NR1H3: variants seen among roughly 807,000 people sequenced by gnomAD.
NR1H3 encodes the protein oxysterols receptor LXR-alpha.
In NR1H3, 19 loss-of-function variants were observed where a neutral mutation model predicts 48.1. The ratio of observed to expected loss-of-function variants is 0.40; its 90% CI spans 0.28 to 0.58. The LOEUF is 0.58. NR1H3 is among the 20% of genes least tolerant of loss of function. The pLI is 0.50. For missense variants in NR1H3, 486 were observed against 595.9 expected, an observed-to-expected ratio of 0.82 and a Z score of 1.92; for synonymous variants, 232 against 227.3, an observed-to-expected ratio of 1.02 and a Z score of -0.19.
intron 7 of NR1H3, among the ~76,000 whole-genome samples, chr11:47,265,371 GA>G (rs1956355221): frequency 6.6e-6 from 1 of 152,210 alleles, no homozygotes; most frequent in Non-Finnish European, 1.5e-5. Flanking sequence ...ACATCAGGGT[GA>G]AAGTACAGGA....
chr11:47,263,794 G>A (rs1049051413), intron 7 of NR1H3, among the ~76,000 whole-genome samples: 1 of 151,640 alleles, frequency 6.6e-6, no homozygotes, highest in Non-Finnish European at 1.5e-5. Context: ...GTAGAGATGG[G>A]GTTTCACTGT....
chr11:47,260,375 G>C (rs371886672), intron 3 of NR1H3, 34 bp from the exon 4 acceptor site: 6 of 1,577,864 alleles, frequency 3.8e-6, no homozygotes, highest in Non-Finnish European at 5.2e-6. Context: ...GTTTTTCCTC[G>C]GGGGAGAGCG....
At position 47,261,167 on chromosome 11, in the gene NR1H3, C is replaced by T. The variant is rs183510529; in HGVS notation, c.500-74C>T. 2.6e-4 allele frequency: 256 copies of T among 1,002,284 alleles called. No homozygotes were observed. In the African/African-American group the frequency reaches 3.8e-3, roughly 15 times the overall value. The allele number at this position is 1,002,284 out of a possible 1,614,324, so 62.1% of individuals were successfully genotyped here. A position where few individuals can be genotyped will look rare whatever the true frequency, so the allele number is the denominator to read the frequency against. On this transcript the variant is annotated intron_variant, in intron 4 of 9. Transcript: ENST00000441012. ...CACCCCCTTTGCCCCATCCTTCCCTCCTGTCTTTCCCCCACCCCCTTGCCC... is the reference window on the plus strand; with the variant it reads ...CACCCCCTTTGCCCCATCCTTCCCTTCTGTCTTTCCCCCACCCCCTTGCCC...
At chr11:47,249,050 A>G in intron 1 of NR1H3, 2 of 1,433,636 alleles carry the variant, frequency 1.4e-6, no homozygotes. Flanking sequence ...ATCTTGATTA[A>G]GAAGGCCACA....
upstream of NR1H3, among the ~76,000 whole-genome samples, chr11:47,253,144 T>TGTGTGTGTG (rs1554980530): frequency 6.6e-6 from 1 of 151,502 alleles, no homozygotes; most frequent in Non-Finnish European, 1.5e-5. Context: ...CGTGTGTGTG[T>TGTGTGTGTG]TTTCTGTAAA....
upstream of NR1H3, chr11:47,248,343 A>T: frequency 1.6e-6 from 2 of 1,226,098 alleles, no homozygotes; most frequent in East Asian, 2.6e-5. Flanking sequence ...CCATAGGCAA[A>T]GCCAAGGTAC....
At chr11:47,265,602 G>A (rs1393108016) in intron 7 of NR1H3, among the ~76,000 whole-genome samples, 1 of 152,144 alleles carries the variant, frequency 6.6e-6, no homozygotes, top group Non-Finnish European at 1.5e-5. Flanking sequence ...GACCAGGCGC[G>A]GTGGCTCATG....
intron 9 of NR1H3, 93 bp downstream of exon 9, chr11:47,268,448 T>A (rs1957437771): frequency 6.3e-7 from 1 of 1,586,360 alleles, no homozygotes; most frequent in Non-Finnish European, 8.7e-7. Context: ...TCTCTCTGAC[T>A]GCATGCTGTG....
chr11:47,263,131 A>G (rs186675060), intron 7 of NR1H3, among the ~76,000 whole-genome samples: 2 of 152,038 alleles, frequency 1.3e-5, no homozygotes, highest in Admixed American at 6.6e-5. Flanking sequence ...GCACTGCTAC[A>G]TAGTATTTTG....
At position 47,259,996 on chromosome 11, in the gene NR1H3, T is replaced by G; in HGVS notation, c.232+17T>G. On this transcript the variant is annotated intron_variant, in intron 3 of 9. Coordinates refer to ENST00000441012, the MANE Select transcript of NR1H3 (RefSeq NM_005693.4). ...AACCCACAGGTGAGGAGCTTCTGGG[T>G]TTGGAGGAGGTAGGGGTCCAGATTC... 6.7e-7 allele frequency: 1 copy of G among 1,494,712 alleles called. No homozygotes were observed. The highest frequency in any genetic ancestry group is 8.9e-7 in the Non-Finnish European group (1 of 1,124,022). The allele number at this position is 1,494,712 out of a possible 1,614,324, so 92.6% of individuals were successfully genotyped here. A position where few individuals can be genotyped will look rare whatever the true frequency, so the allele number is the denominator to read the frequency against.
chr11:47,264,705 C>T (rs906876142), intron 7 of NR1H3, among the ~76,000 whole-genome samples: 2 of 152,182 alleles, frequency 1.3e-5, no homozygotes, highest in African/African-American at 4.8e-5. Context: ...TTTATTTATA[C>T]AAGCAGTTTT....
chr11:47,248,452 T>C (rs995330349), upstream of NR1H3: 6 of 1,544,576 alleles, frequency 3.9e-6, no homozygotes, highest in African/African-American at 5.5e-5. Flanking sequence ...GTCTTAACCA[T>C]TCAACCACTT....
rs951871686 is a variant in NR1H3 at position 47,269,002 on chromosome 11, C to T, written c.*306C>T. ...TGCCTCCACCACTTCCTGTTTTTCC[C>T]ACAGGGCCCCAAGAAAAATTCTCCA... is the stretch of plus-strand genomic sequence containing the variant. On this transcript the variant is annotated 3_prime_UTR_variant, in exon 10 of 10. Coordinates refer to ENST00000441012, the MANE Select transcript of NR1H3 (RefSeq NM_005693.4). The T allele has an allele frequency of 5.6e-5, 20 of 356,400 alleles. No homozygotes were observed. In the South Asian group the frequency reaches 7.8e-4, roughly 14 times the overall value. The allele number at this position is 356,400 out of a possible 1,614,324, so 22.1% of individuals were successfully genotyped here.
Position 47,260,507 on chromosome 11 carries a change from A to G in NR1H3, c.331A>G (p.Asn111Asp), listed in dbSNP as rs775386021. The change falls in exon 4 of 10, where the codon AAT becomes GAT. Residue 111 changes from asparagine (N) to aspartate (D), a missense_variant. Physicochemically the swap from Asn to Asp is conservative, Grantham distance 23. Transcript: ENST00000441012. ...CGDKASGFHY[N>D]VLSCEGCKGF... ...GGACAAGGCCTCGGGCTTCCACTAC[A>G]ATGTTCTGAGCTGCGAGGGCTGCAA... The G allele has an allele frequency of 1.2e-6, 2 of 1,614,144 alleles. No homozygotes were observed. The highest frequency in any genetic ancestry group is 1.7e-6 in the Non-Finnish European group (2 of 1,180,050).
intron 9 of NR1H3, 47 bp downstream of exon 9, chr11:47,268,402 C>A: frequency 6.3e-7 from 1 of 1,597,406 alleles, no homozygotes; most frequent in Non-Finnish European, 8.6e-7. Flanking sequence ...ACACACAGGC[C>A]CATTCCCTGA....
intron 7 of NR1H3, among the ~76,000 whole-genome samples, chr11:47,267,303 T>A (rs1160151275): frequency 1.3e-5 from 2 of 152,062 alleles, no homozygotes; most frequent in Admixed American, 6.6e-5. Flanking sequence ...CAAGACCCTG[T>A]CTCAAAGAAA....
rs1169973652 is a variant in NR1H3 at position 47,260,667 on chromosome 11, G to A, written c.491G>A (p.Arg164Gln). The A allele has an allele frequency of 1.4e-5, 23 of 1,596,764 alleles. No individual in the cohort carries two copies. Among genetic ancestry groups the A allele is most frequent in the Admixed American group, 1.7e-5 (1 of 58,280 alleles). The change falls in exon 4 of 10, where the codon CGG becomes CAG. Residue 164 changes from arginine (R) to glutamine (Q), a missense_variant. Physicochemically the swap from Arg to Gln is conservative, Grantham distance 43. Coordinates refer to ENST00000441012, the MANE Select transcript of NR1H3 (RefSeq NM_005693.4). ...CGCAAATGCCGTCAGGCTGGCATGC[G>A]GGAGGAGTGTGAGTTTCTGGGGCTG... ...RLRKCRQAGM[R>Q]EECVLSEEQI... is the part of the protein sequence containing the mutation.
chr11:47,264,965 TG>T (rs1565200039), intron 7 of NR1H3, among the ~76,000 whole-genome samples: 1 of 152,184 alleles, frequency 6.6e-6, no homozygotes, highest in Non-Finnish European at 1.5e-5. Context: ...TGCCACACTT[TG>T]GGGCTCAAAA....
intron 1 of NR1H3, among the ~76,000 whole-genome samples, chr11:47,250,222 C>T (rs956084410): frequency 1.3e-5 from 2 of 151,900 alleles, no homozygotes; most frequent in Non-Finnish European, 2.9e-5. Flanking sequence ...GCCTGAGCAG[C>T]TTAGGAAGAT....
Sources: allele counts gnomAD v4.1 joint callset (sites outside exome capture counted in the v4.1 genomes callset), GRCh38; gene constraint gnomAD v4.1.1; transcripts MANE v1.5; gene names NCBI Gene and HGNC (gene_info 2026-07-23, HGNC 2026-07-21).